Variants in ENAM observed in about 807,000 individuals in gnomAD.
ENAM encodes the protein amelogenesis imperfecta 2, hypocalcification (autosomal dominant).
ENAM carries 21 observed loss-of-function variants against 33.6 expected under a neutral mutation model. The observed-to-expected ratio is 0.63, with a 90% CI of 0.44 to 0.90. The LOEUF (loss-of-function observed/expected upper bound fraction) is 0.90, where lower values mean the gene tolerates loss of function less well. ENAM is among the 40% of genes least tolerant of loss of function. ENAM has a pLI of 0.00. For missense variants in ENAM, 1,388 were observed against 1,366.9 expected, an observed-to-expected ratio of 1.02 and a Z score of -0.24; for synonymous variants, 473 against 468.4, an observed-to-expected ratio of 1.01 and a Z score of -0.13.
In ENAM at chr4:70,642,644, G is replaced by A. The variant is rs1418661943; in HGVS notation, c.1218G>A (p.Gln406=). Residue 406 remains glutamine, a synonymous_variant, in exon 9 of 9, where the codon CAG becomes CAA. Coordinates refer to ENST00000396073, the MANE Select transcript of ENAM (RefSeq NM_031889.3). ...GNPANLRRKP[Q]GPNKHPVGTT... ...CAGCAAATCTCAGAAGAAAGCCTCA[G>A]GGGCCAAATAAACACCCTGTAGGAA... is the stretch of plus-strand genomic sequence containing the variant. The A allele has an allele frequency of 1.2e-6, 2 of 1,613,818 alleles. No homozygotes were observed. Among genetic ancestry groups the A allele is most frequent in the Non-Finnish European group, 1.7e-6 (2 of 1,179,954 alleles).
chr4:70,642,119 T>G lies in ENAM; in HGVS notation c.693T>G (p.Asp231Glu). ...ATTTTGAAAAACCCAAAGAAGAAGA[T>G]CCTCCTAAAGCAGAAAGTCCAGGCA... Reference protein sequence around the residue: ...EQDFEKPKEEDPPKAESPGTE... With the variant: ...EQDFEKPKEEEPPKAESPGTE... Residue 231 changes from aspartate (D) to glutamate (E), a missense_variant, in exon 9 of 9, where the codon GAT becomes GAG. Asp to Glu is a conservative substitution (Grantham distance 45). Coordinates refer to ENST00000396073, the MANE Select transcript of ENAM (RefSeq NM_031889.3). 1 of 1,613,906 alleles carries G rather than the reference T, an allele frequency of 6.2e-7. No homozygotes were observed. The highest frequency in any genetic ancestry group is 8.5e-7 in the Non-Finnish European group (1 of 1,179,928).
At chr4:70,634,652 C>A in intron 6 of ENAM, 84 bp downstream of exon 6, 1 of 1,272,218 alleles carries the variant, frequency 7.9e-7, no homozygotes, top group South Asian at 1.2e-5. Context: ...ATACACACTT[C>A]AATACAGGTA....
intron 7 of ENAM, among the ~76,000 whole-genome samples, chr4:70,637,318 G>C (rs907019631): frequency 2.6e-5 from 4 of 152,124 alleles, no homozygotes; most frequent in African/African-American, 9.7e-5. Context: ...TGTCAGTTTG[G>C]AGTTTGTCCC....
chr4:70,643,987 C>T lies in ENAM; in HGVS notation c.2561C>T (p.Pro854Leu). Residue 854 changes from proline (P) to leucine (L), a missense_variant, in exon 9 of 9, where the codon CCA becomes CTA. Pro to Leu is a moderately conservative substitution (Grantham distance 98, BLOSUM62 -3). Transcript: ENST00000396073. The stretch of plus-strand genomic sequence containing the variant: ...TCATCTTTCCCTAACTTCATCCCAC[C>T]AAGTTACCCATCAGGTCAAAAAGAA... ...EHSSFPNFIP[P>L]SYPSGQKEAH... 6.2e-7 allele frequency: 1 copy of T among 1,614,110 alleles called. No homozygotes were observed. Among genetic ancestry groups the T allele is most frequent in the Non-Finnish European group, 8.5e-7 (1 of 1,179,994 alleles).
rs1300070241 is a variant in ENAM at position 70,646,822 on chromosome 4, C to CT, written c.*1968dup. The CT allele has an allele frequency of 1.3e-5, 2 of 152,128 alleles. No homozygotes were observed. Among genetic ancestry groups the CT allele is most frequent in the Non-Finnish European group, 2.9e-5 (2 of 68,022 alleles). 9.4% of individuals were successfully genotyped at this position (152,128 alleles called of 1,614,324 possible). A position where few individuals can be genotyped will look rare whatever the true frequency, so the allele number is the denominator to read the frequency against. ...TCAAAATAAAAATGTTATTGTTTCA[C>CT]TAGTTTATTTTTCCAAATGATTTTT... is the stretch of plus-strand genomic sequence containing the variant. On this transcript the variant is annotated 3_prime_UTR_variant, in exon 9 of 9. Transcript: ENST00000396073.
intron 8 of ENAM, among the ~76,000 whole-genome samples, chr4:70,641,774 A>G (rs1170723031): frequency 1.3e-5 from 2 of 152,168 alleles, no homozygotes; most frequent in Non-Finnish European, 2.9e-5. Flanking sequence ...AAACCCTCAG[A>G]TGTATAAGGC....
At position 70,643,652 on chromosome 4, in the gene ENAM, G is replaced by C. The variant is rs753647450; in HGVS notation, c.2226G>C (p.Glu742Asp). The part of the protein sequence containing the change: ...NTASTMPPPI[E>D]SRGYYVNNAA... Reference sequence around the variant, plus strand: ...CTTCTACTATGCCACCACCTATAGAGAGCAGGGGCTACTACGTTAATAATG... The same window carrying C: ...CTTCTACTATGCCACCACCTATAGACAGCAGGGGCTACTACGTTAATAATG... Residue 742 changes from glutamate (E) to aspartate (D), a missense_variant, in exon 9 of 9, where the codon GAG becomes GAC. Physicochemically the swap from Glu to Asp is conservative, Grantham distance 45. Coordinates refer to ENST00000396073, the MANE Select transcript of ENAM (RefSeq NM_031889.3). 15 of 1,614,012 alleles carry C rather than the reference G, an allele frequency of 9.3e-6. No homozygotes were observed. The highest frequency in any genetic ancestry group is 1.3e-5 in the Non-Finnish European group (15 of 1,180,018).
chr4:70,645,053 C>T lies in ENAM; in HGVS notation c.*198C>T, dbSNP rs1738722903. Reference sequence around the variant, plus strand: ...CCTCTGGGGATCACCAGATCTAGCACTTTCACAGATTAGTGCAGACCTTAA... The same window carrying T: ...CCTCTGGGGATCACCAGATCTAGCATTTTCACAGATTAGTGCAGACCTTAA... On this transcript the variant is annotated 3_prime_UTR_variant, in exon 9 of 9. Transcript: ENST00000396073. 1 of 622,012 alleles carries T rather than the reference C, an allele frequency of 1.6e-6. No individual in the cohort carries two copies. The highest frequency in any genetic ancestry group is 1.8e-5 in the African/African-American group (1 of 54,372). 38.5% of individuals were successfully genotyped at this position (622,012 alleles called of 1,614,324 possible).
Position 70,645,041 on chromosome 4 carries a change from C to T in ENAM, c.*186C>T. ...GCTGAGATTAGGCCTCTGGGGATCA[C>T]CAGATCTAGCACTTTCACAGATTAG... On this transcript the variant is annotated 3_prime_UTR_variant, in exon 9 of 9. Coordinates refer to ENST00000396073, the MANE Select transcript of ENAM (RefSeq NM_031889.3). 2 of 630,626 alleles carry T rather than the reference C, an allele frequency of 3.2e-6. No homozygotes were observed. The highest frequency in any genetic ancestry group is 2.8e-6 in the Non-Finnish European group (1 of 351,842). The allele number at this position is 630,626 out of a possible 1,614,324, so 39.1% of individuals were successfully genotyped here. A position where few individuals can be genotyped will look rare whatever the true frequency, so the allele number is the denominator to read the frequency against.
At position 70,643,434 on chromosome 4, in the gene ENAM, A is replaced by G; in HGVS notation, c.2008A>G (p.Arg670Gly). The G allele has an allele frequency of 6.2e-7, 1 of 1,614,188 alleles. No individual in the cohort carries two copies. Among genetic ancestry groups the G allele is most frequent in the Non-Finnish European group, 8.5e-7 (1 of 1,180,008 alleles). ...AGATGAAGTCTTTCCTGGACAAAAT[A>G]GATGGGGTGAAGAGTTGAGCTTCAA... Reference protein sequence around the residue: ...TGDEVFPGQNRWGEELSFKGG... With the variant: ...TGDEVFPGQNGWGEELSFKGG... Residue 670 changes from arginine (R) to glycine (G), a missense_variant, in exon 9 of 9, where the codon AGA becomes GGA. Physicochemically the swap from Arg to Gly is moderately radical, Grantham distance 125. Coordinates refer to ENST00000396073, the MANE Select transcript of ENAM (RefSeq NM_031889.3).
intron 2 of ENAM, among the ~76,000 whole-genome samples, chr4:70,630,964 G>A (rs1344806085): frequency 6.6e-6 from 1 of 151,910 alleles, no homozygotes; most frequent in Non-Finnish European, 1.5e-5. Flanking sequence ...CTGGTCTCAA[G>A]CTCCTGTCCT....
In ENAM at chr4:70,642,738, G is replaced by A; in HGVS notation, c.1312G>A (p.Glu438Lys). 6.2e-7 allele frequency: 1 copy of A among 1,607,314 alleles called. No individual in the cohort carries two copies. The highest frequency in any genetic ancestry group is 8.5e-7 in the Non-Finnish European group (1 of 1,177,820). ...CAATGAAAAAATCCAAAATCCAAAG[G>A]AGAAGCCCCTGGGTCCAAAAGAACA... ...VRNEKIQNPK[E>K]KPLGPKEQII... The change falls in exon 9 of 9, where the codon GAG (glutamate) becomes AAG (lysine). Residue 438 changes from glutamate to lysine, a missense_variant. Glu to Lys is a moderately conservative substitution (Grantham distance 56). Transcript: ENST00000396073.
intron 8 of ENAM, among the ~76,000 whole-genome samples, chr4:70,639,055 C>G (rs1261987428): frequency 6.6e-6 from 1 of 152,022 alleles, no homozygotes; most frequent in Non-Finnish European, 1.5e-5. Flanking sequence ...CCTCAGCCTC[C>G]CAAAGTGCTG....
In ENAM at chr4:70,643,051, C is replaced by T. The variant is rs762981207; in HGVS notation, c.1625C>T (p.Ser542Leu). Residue 542 changes from serine to leucine, a missense_variant, in exon 9 of 9, where the codon TCA becomes TTA. Ser to Leu is a moderately radical substitution (Grantham distance 145). Coordinates refer to ENST00000396073, the MANE Select transcript of ENAM (RefSeq NM_031889.3). Reference sequence around the variant, plus strand: ...AATCAGTCAGAATTAAAGCACAGCTCATATCAGCCTGCTGTATACCCTGAG... The same window carrying T: ...AATCAGTCAGAATTAAAGCACAGCTTATATCAGCCTGCTGTATACCCTGAG... ...ETNQSELKHS[S>L]YQPAVYPEEI... The T allele has an allele frequency of 3.7e-6, 6 of 1,613,988 alleles. No homozygotes were observed. The highest frequency in any genetic ancestry group is 2.7e-5 in the African/African-American group (2 of 75,022).
rs1738746645 is a variant in ENAM, at chr4:70,645,847, A to G, written c.*992A>G. On this transcript the variant is annotated 3_prime_UTR_variant, in exon 9 of 9. Coordinates refer to ENST00000396073, the MANE Select transcript of ENAM (RefSeq NM_031889.3). The stretch of plus-strand genomic sequence containing the variant: ...ACAGTTCAGTTAGAGAGACGTATTT[A>G]AGGAGAAGGGAAGGCAGGATACCCA... 6.6e-6 allele frequency: 1 copy of G among 152,300 alleles called. No individual in the cohort carries two copies. The highest frequency in any genetic ancestry group is 1.9e-4 in the East Asian group (1 of 5,186). The allele number at this position is 152,300 out of a possible 1,614,324, so 9.4% of individuals were successfully genotyped here.
chr4:70,630,478 A>G (rs1738283179), intron 2 of ENAM, among the ~76,000 whole-genome samples: 1 of 152,234 alleles, frequency 6.6e-6, no homozygotes, highest in Non-Finnish European at 1.5e-5. Context: ...TCTATTGTAT[A>G]TGCAAATAGA....
Position 70,645,272 on chromosome 4 carries a change from T to C in ENAM, c.*417T>C, listed in dbSNP as rs1738731139. ...ACACATCAGTATAGTCCTGATGCACTGTACGTTTTTTGCTTGTGTTGATCT... is the reference window on the plus strand; with the variant it reads ...ACACATCAGTATAGTCCTGATGCACCGTACGTTTTTTGCTTGTGTTGATCT... On this transcript the variant is annotated 3_prime_UTR_variant, in exon 9 of 9. Transcript: ENST00000396073. 4.5e-6 allele frequency: 1 copy of C among 220,202 alleles called. No homozygotes were observed. The highest frequency in any genetic ancestry group is 2.3e-5 in the African/African-American group (1 of 44,146). 13.6% of individuals were successfully genotyped at this position (220,202 alleles called of 1,614,324 possible).
In ENAM at chr4:70,646,505, A is replaced by T. The variant is rs1330310105; in HGVS notation, c.*1650A>T. Reference sequence around the variant, plus strand: ...AACATAGAAGGTACCCAATAAATATATATCAATTCATTTTTTAATGACTTT... The same window carrying T: ...AACATAGAAGGTACCCAATAAATATTTATCAATTCATTTTTTAATGACTTT... On this transcript the variant is annotated 3_prime_UTR_variant, in exon 9 of 9. Coordinates refer to ENST00000396073, the MANE Select transcript of ENAM (RefSeq NM_031889.3). 3 of 152,202 alleles carry T rather than the reference A, an allele frequency of 2.0e-5. No homozygotes were observed. Among genetic ancestry groups the T allele is most frequent in the Non-Finnish European group, 4.4e-5 (3 of 68,038 alleles). The allele number at this position is 152,202 out of a possible 1,614,324, so 9.4% of individuals were successfully genotyped here. A position where few individuals can be genotyped will look rare whatever the true frequency, so the allele number is the denominator to read the frequency against.
Position 70,642,666 on chromosome 4 carries a change from G to A in ENAM, c.1240G>A (p.Gly414Arg), listed in dbSNP as rs753875071. 6.2e-7 allele frequency: 1 copy of A among 1,612,544 alleles called. No homozygotes were observed. Among genetic ancestry groups the A allele is most frequent in the Non-Finnish European group, 8.5e-7 (1 of 1,179,506 alleles). The change falls in exon 9 of 9, where the codon GGA becomes AGA. Residue 414 changes from glycine to arginine, a missense_variant. Transcript: ENST00000396073. Reference protein sequence around the residue: ...KPQGPNKHPVGTTVAPLGPKP... With the variant: ...KPQGPNKHPVRTTVAPLGPKP... Reference sequence around the variant, plus strand: ...TCAGGGGCCAAATAAACACCCTGTAGGAACTACTGTTGCCCCACTGGGTCC... The same window carrying A: ...TCAGGGGCCAAATAAACACCCTGTAAGAACTACTGTTGCCCCACTGGGTCC...
Sources: allele counts gnomAD v4.1 joint callset (sites outside exome capture counted in the v4.1 genomes callset), GRCh38; gene constraint gnomAD v4.1.1; transcripts MANE v1.5; gene names NCBI Gene and HGNC (gene_info 2026-07-23, HGNC 2026-07-21).